FAM184B: variants seen among roughly 807,000 people sequenced by gnomAD.
FAM184B encodes the protein family with sequence similarity 184 member B.
A neutral mutation model predicts 135.9 loss-of-function variants in FAM184B; 111 were observed. The ratio of observed to expected loss-of-function variants is 0.82; its 90% CI spans 0.70 to 0.96. The LOEUF (loss-of-function observed/expected upper bound fraction) is 0.96, where lower values mean the gene tolerates loss of function less well. FAM184B is among the 40% of genes least tolerant of loss of function. FAM184B has a pLI of 0.00. For missense variants in FAM184B, 1,375 were observed against 1,323.9 expected (o/e 1.04, Z -0.60); for synonymous variants, 552 against 524.8 (o/e 1.05, Z -0.71).
intron 1 of FAM184B, among the ~76,000 whole-genome samples, chr4:17,765,537 A>G (rs1166095294): frequency 1.4e-5 from 2 of 147,990 alleles, no homozygotes; most frequent in African/African-American, 2.7e-5. Context: ...AGTTCTTAGC[A>G]GCATATCAAA....
intron 8 of FAM184B, among the ~76,000 whole-genome samples, chr4:17,662,485 G>A (rs1715941721): frequency 6.6e-6 from 1 of 152,064 alleles, no homozygotes; most frequent in Admixed American, 6.6e-5. Flanking sequence ...CTACAGGTGT[G>A]TGCCACCATG....
intron 17 of FAM184B, 108 bp downstream of exon 17, chr4:17,633,581 G>GA (rs1329768384): frequency 4.6e-5 from 49 of 1,070,264 alleles, no homozygotes; most frequent in Non-Finnish European, 6.2e-5. Flanking sequence ...AATCATCCAT[G>GA]AAAAAAGGCC....
chr4:17,633,589 G>A, intron 17 of FAM184B, 100 bp downstream of exon 17: 1 of 1,100,880 alleles, frequency 9.1e-7, no homozygotes, highest in Non-Finnish European at 1.2e-6. Flanking sequence ...ATGAAAAAAG[G>A]CCTTCTGGAA....
At chr4:17,738,313 G>A (rs143570470) in intron 1 of FAM184B, among the ~76,000 whole-genome samples, 20 of 152,120 alleles carry the variant, frequency 1.3e-4, no homozygotes, top group African/African-American at 4.3e-4. Context: ...AGTAGGAAAG[G>A]GTGACCCTGC....
rs1378875867 is a variant in FAM184B, at chr4:17,641,987, TA to T, written c.2519+68del. The T allele has an allele frequency of 2.2e-5, 31 of 1,413,974 alleles. No homozygotes were observed. In the African/African-American group the frequency reaches 4.6e-4, roughly 21 times the overall value. The allele number at this position is 1,413,974 out of a possible 1,614,324, so 87.6% of individuals were successfully genotyped here. A position where few individuals can be genotyped will look rare whatever the true frequency, so the allele number is the denominator to read the frequency against. ...AGGTCTCAGGCTCAGCCAGCCGCAG[TA>T]GGGGGAGGGGGGGTGGCGGGGTAGG... is the stretch of plus-strand genomic sequence containing the variant. On this transcript the variant is annotated intron_variant, in intron 13 of 17. Coordinates refer to ENST00000265018, the MANE Select transcript of FAM184B (RefSeq NM_015688.2).
intron 7 of FAM184B, among the ~76,000 whole-genome samples, chr4:17,688,114 T>A (rs1716630922): frequency 6.6e-6 from 1 of 152,140 alleles, no homozygotes; most frequent in African/African-American, 2.4e-5. Context: ...CTGGGCAGAA[T>A]CAAAGGCCCT....
rs1251296722 is a variant in FAM184B, at chr4:17,658,358, C to T, written c.2029G>A (p.Glu677Lys). 6 of 1,551,594 alleles carry T rather than the reference C, an allele frequency of 3.9e-6. No individual in the cohort carries two copies. The East Asian group carries it at 1.5e-4, about 38-fold the overall frequency. ...LRMLEKARHQ[E>K]LKATEERLKK... ...CACAGTCATTCCCTCACCTTGAGTT[C>T]CTGATGTCTGGCCTTCTCCAGCATG... Residue 677 changes from glutamate (E) to lysine (K), a missense_variant, in exon 10 of 18, where the codon GAA (glutamate) becomes AAA (lysine). By Grantham distance (56) the Glu-to-Lys change is moderately conservative (BLOSUM62 1). Transcript: ENST00000265018.
chr4:17,740,330 C>T (rs541299701), intron 1 of FAM184B, among the ~76,000 whole-genome samples: 31 of 114,450 alleles, frequency 2.7e-4, no homozygotes, highest in South Asian at 1.4e-3. Flanking sequence ...CCAGCCTGGG[C>T]GACAGAGTAA....
At chr4:17,774,876 C>T (rs1406380022) in intron 1 of FAM184B, among the ~76,000 whole-genome samples, 1 of 152,126 alleles carries the variant, frequency 6.6e-6, no homozygotes, top group Non-Finnish European at 1.5e-5. Context: ...TATTCTATTT[C>T]CATATTCTGT....
At chr4:17,772,220 A>G (rs1718834121) in intron 1 of FAM184B, among the ~76,000 whole-genome samples, 1 of 152,220 alleles carries the variant, frequency 6.6e-6, no homozygotes. Context: ...TATAACTTTG[A>G]ATAGAAATGA....
chr4:17,638,820 G>A (rs1417543282), intron 14 of FAM184B, among the ~76,000 whole-genome samples: 8 of 152,188 alleles, frequency 5.3e-5, no homozygotes, highest in African/African-American at 1.9e-4. Flanking sequence ...AGACTGATGA[G>A]CCCCTGGCTA....
chr4:17,699,497 G>A lies in FAM184B; in HGVS notation c.1377+5503C>T, dbSNP rs76080702. Among the ~76,000 whole-genome samples the A allele has an allele frequency of 5.6e-3, 860 of 152,244 alleles. 8 individuals are homozygous for A. Among genetic ancestry groups the A allele is most frequent in the African/African-American group, 0.02 (828 of 41,566 alleles). On this transcript the variant is annotated intron_variant, in intron 5 of 17. Transcript: ENST00000265018. The stretch of plus-strand genomic sequence containing the variant: ...TATGCACAAGGAAAAGAAGATAAAT[G>A]TGGCTGTTAACTTTTCATTAGAATA...
intron 1 of FAM184B, among the ~76,000 whole-genome samples, chr4:17,753,911 G>A (rs970852538): frequency 6.6e-6 from 1 of 152,206 alleles, no homozygotes; most frequent in Non-Finnish European, 1.5e-5. Context: ...AAGGCAAGAG[G>A]ACTAGTGTAT....
chr4:17,735,934 T>C (rs999509838), intron 1 of FAM184B, among the ~76,000 whole-genome samples: 51 of 152,334 alleles, frequency 3.3e-4, no homozygotes, highest in African/African-American at 1.2e-3. Flanking sequence ...TTGGCATAGT[T>C]GGTTTCCTAA....
chr4:17,777,870 G>C (rs1718960771), intron 1 of FAM184B, among the ~76,000 whole-genome samples: 1 of 152,150 alleles, frequency 6.6e-6, no homozygotes, highest in Admixed American at 6.5e-5. Context: ...AGCCAAGGCG[G>C]GAGGATTGCT....
chr4:17,689,091 A>G (rs1205019797), intron 6 of FAM184B, among the ~76,000 whole-genome samples: 1 of 152,160 alleles, frequency 6.6e-6, no homozygotes, highest in Admixed American at 6.5e-5. Flanking sequence ...AATTATTTAC[A>G]TAGATATTTC....
intron 1 of FAM184B, among the ~76,000 whole-genome samples, chr4:17,760,035 C>A (rs1236391531): frequency 6.6e-6 from 1 of 151,006 alleles, no homozygotes; most frequent in Non-Finnish European, 1.5e-5. Flanking sequence ...TTCCCTGCAT[C>A]ATGCTGTGTC....
intron 9 of FAM184B, among the ~76,000 whole-genome samples, chr4:17,659,056 G>T (rs951240370): frequency 6.6e-6 from 1 of 151,486 alleles, no homozygotes; most frequent in Admixed American, 6.6e-5. Flanking sequence ...ACCATTTATT[G>T]TCTGTTCCCA....
At chr4:17,776,658 C>A (rs942496893) in intron 1 of FAM184B, among the ~76,000 whole-genome samples, 1 of 152,154 alleles carries the variant, frequency 6.6e-6, no homozygotes, top group Admixed American at 6.5e-5. Flanking sequence ...TCCCAAAGTG[C>A]TGGGATTACA....
Sources: allele counts gnomAD v4.1 joint callset (sites outside exome capture counted in the v4.1 genomes callset), GRCh38; gene constraint gnomAD v4.1.1; transcripts MANE v1.5; gene names NCBI Gene and HGNC (gene_info 2026-07-23, HGNC 2026-07-21).